The following PGLYRP3 variants were observed in gnomAD, a reference collection of about 807,000 sequenced individuals.
PGLYRP3 encodes the protein peptidoglycan recognition protein 3, also known as peptidoglycan recognition protein I alpha.
PGLYRP3 carries 39 observed loss-of-function variants against 36.0 expected under a neutral mutation model. The observed-to-expected ratio is 1.08, with a 90% confidence interval of 0.84 to 1.41. The LOEUF (loss-of-function observed/expected upper bound fraction) is 1.41. Among genes scored for constraint, PGLYRP3 ranks in the 40% most tolerant of loss-of-function variants. The probability of loss-of-function intolerance (pLI) is 0.00; values close to 1 mark genes in which losing one functional copy is unlikely to be tolerated. For synonymous variants in PGLYRP3, 204 were observed against 172.8 expected (o/e 1.18, Z -1.42); for missense variants, 407 against 427.9 (o/e 0.95, Z 0.43).
rs141117066 is a variant in PGLYRP3, at chr1:153,307,754, G to C, written c.56-487C>G. Among the ~76,000 whole-genome samples, 739 of 152,180 alleles carry C rather than the reference G, an allele frequency of 4.9e-3. 7 individuals carry two copies. Among genetic ancestry groups the C allele is most frequent in the African/African-American group, 0.017 (714 of 41,522 alleles). On this transcript the variant is annotated intron_variant, in intron 2 of 7. Transcript: ENST00000683862. ...AAGCTCTATCAGTCTCCTCAACTAG[G>C]GACTCCAGAGCCCACAGGAGGCTCC...
chr1:153,298,239 C>T lies in PGLYRP3; in HGVS notation c.848-105G>A, dbSNP rs571006842. On this transcript the variant is annotated intron_variant, in intron 7 of 7. Transcript: ENST00000683862. ...GTTTCTTTCTTCCTCCACCACGCCC[C>T]ATTCCGCCATCACCATAGCCAACAC... 4.7e-5 allele frequency: 59 copies of T among 1,252,830 alleles called. No homozygotes were observed. The African/African-American group carries it at 8.2e-4, about 17-fold the overall frequency. The allele number at this position is 1,252,830 out of a possible 1,614,324, so 77.6% of individuals were successfully genotyped here.
intron 3 of PGLYRP3, among the ~76,000 whole-genome samples, chr1:153,305,600 C>T (rs996722987): frequency 6.6e-6 from 1 of 152,136 alleles, no homozygotes; most frequent in African/African-American, 2.4e-5. Context: ...TTTATTCCTG[C>T]CTCTTTATAA....
intron 6 of PGLYRP3, 116 bp from the exon 7 acceptor site, chr1:153,299,347 A>G: frequency 1.2e-6 from 1 of 804,230 alleles, no homozygotes; most frequent in Non-Finnish European, 2.0e-6. Flanking sequence ...TATTGACTGG[A>G]GATCTCTTAT....
In PGLYRP3 at chr1:153,298,169, G is replaced by A. The variant is rs752804603; in HGVS notation, c.848-35C>T. 2.0e-5 allele frequency: 32 copies of A among 1,601,124 alleles called. No homozygotes were observed. In the South Asian group the frequency reaches 3.3e-4, roughly 17 times the overall value. ...ACATTTTCCCCATCAGTCATTAGGG[G>A]CTCAAAGTTTCTTGATTAGGGAAGG... On this transcript the variant is annotated intron_variant, in intron 7 of 7. Coordinates refer to ENST00000683862, the MANE Select transcript of PGLYRP3 (RefSeq NM_052891.3).
In PGLYRP3 at chr1:153,298,079, G is replaced by C. The variant is rs544597913; in HGVS notation, c.903C>G (p.Ala301=). The C allele has an allele frequency of 2.5e-6, 4 of 1,613,984 alleles. No homozygotes were observed. The highest frequency in any genetic ancestry group is 3.4e-6 in the Non-Finnish European group (4 of 1,180,004). ...LEAAQDLIQC[A]VVEGYLTPNY... is the part of the protein sequence containing the mutation. ...TTGGAGTCAGGTACCCCTCAACCAC[G>C]GCACACTGGATCAGGTCCTGGGCCG... Residue 301 remains alanine (A), a synonymous_variant, in exon 8 of 8, where the codon GCC becomes GCG. Coordinates refer to ENST00000683862, the MANE Select transcript of PGLYRP3 (RefSeq NM_052891.3).
Position 153,312,763 on chromosome 1 carries a change from G to A in PGLYRP3, c.-162C>T, listed in dbSNP as rs994515770. ...AGGACCTGCCCTTCTTCTCCAGCTG[G>A]TGCCTCCTCAGGCCTTCACTCCCCC... On this transcript the variant is annotated 5_prime_UTR_variant, in exon 1 of 8. Coordinates refer to ENST00000683862, the MANE Select transcript of PGLYRP3 (RefSeq NM_052891.3). Among the ~76,000 whole-genome samples the A allele has an allele frequency of 6.6e-6, 1 of 152,120 alleles. No individual in the cohort carries two copies. The highest frequency in any genetic ancestry group is 1.9e-4 in the East Asian group (1 of 5,172).
intron 2 of PGLYRP3, among the ~76,000 whole-genome samples, chr1:153,310,306 C>T (rs1383722638): frequency 6.6e-5 from 10 of 152,190 alleles, no homozygotes; most frequent in Non-Finnish European, 1.2e-4. Flanking sequence ...GGGCATTGTG[C>T]TAAATGGCGC....
In PGLYRP3 at chr1:153,310,632, T is replaced by C; in HGVS notation, c.34A>G (p.Ile12Val). Residue 12 changes from isoleucine (I) to valine (V), a missense_variant, in exon 2 of 8, where the codon ATT (isoleucine) becomes GTT (valine). Transcript: ENST00000683862. ...GTLPWLLAFF[I>V]LGLQAWDTPT... Reference sequence around the variant, plus strand: ...TTACCCCAAGCCTGGAGACCCAGAATGAAGAAGGCAAGAAGCCATGGCAGC... The same window carrying C: ...TTACCCCAAGCCTGGAGACCCAGAACGAAGAAGGCAAGAAGCCATGGCAGC... The C allele has an allele frequency of 6.2e-7, 1 of 1,614,130 alleles. No individual in the cohort carries two copies. The highest frequency in any genetic ancestry group is 1.1e-5 in the South Asian group (1 of 91,090).
chr1:153,310,091 A>G (rs1225438289), intron 2 of PGLYRP3, among the ~76,000 whole-genome samples: 1 of 152,246 alleles, frequency 6.6e-6, no homozygotes, highest in African/African-American at 2.4e-5. Flanking sequence ...AACAGCATTT[A>G]TTTAATGAAC....
At chr1:153,298,600 G>A (rs182540622) in intron 7 of PGLYRP3, among the ~76,000 whole-genome samples, 5 of 152,178 alleles carry the variant, frequency 3.3e-5, no homozygotes, top group Admixed American at 1.3e-4. Context: ...CCGACATCAC[G>A]CCGCTGCACT....
intron 1 of PGLYRP3, among the ~76,000 whole-genome samples, chr1:153,311,845 G>A (rs112502298): frequency 7.2e-5 from 11 of 152,344 alleles, no homozygotes; most frequent in African/African-American, 2.2e-4. Context: ...GTCAGGACAA[G>A]CAACCACTTA....
At chr1:153,299,008 T>C in intron 7 of PGLYRP3, 105 bp downstream of exon 7, 1 of 876,250 alleles carries the variant, frequency 1.1e-6, no homozygotes, top group Non-Finnish European at 1.9e-6. Flanking sequence ...AATGTTCCAT[T>C]CACACTGCCA....
intron 6 of PGLYRP3, 59 bp downstream of exon 6, chr1:153,302,350 G>T: frequency 6.4e-7 from 1 of 1,568,084 alleles, no homozygotes. Flanking sequence ...CCCTCCCACA[G>T]CCTTCCTTCC....
chr1:153,297,729 A>T lies in PGLYRP3; in HGVS notation c.*227T>A. 1 of 458,490 alleles carries T rather than the reference A, an allele frequency of 2.2e-6. No homozygotes were observed. The highest frequency in any genetic ancestry group is 3.8e-5 in the South Asian group (1 of 26,290). The allele number at this position is 458,490 out of a possible 1,614,324, so 28.4% of individuals were successfully genotyped here. ...GTAAGTGCCCAGGGGAGAGGTAGGT[A>T]AAAGAGAGGGGAAGTCTAAACTCAG... On this transcript the variant is annotated 3_prime_UTR_variant, in exon 8 of 8. Coordinates refer to ENST00000683862, the MANE Select transcript of PGLYRP3 (RefSeq NM_052891.3).
chr1:153,297,398 G>A lies in PGLYRP3; in HGVS notation c.*558C>T, dbSNP rs1179212122. Among the ~76,000 whole-genome samples the A allele has an allele frequency of 6.7e-6, 1 of 149,938 alleles. No homozygotes were observed. Among genetic ancestry groups the A allele is most frequent in the Non-Finnish European group, 1.5e-5 (1 of 67,684 alleles). On this transcript the variant is annotated 3_prime_UTR_variant, in exon 8 of 8. Transcript: ENST00000683862. ...GTCATGGGTGAGGGATGAAGGGTGG[G>A]GGCTTCCAGGCAGAAAACAGGGAAG...
intron 6 of PGLYRP3, among the ~76,000 whole-genome samples, 180 bp downstream of exon 6, chr1:153,302,229 A>G (rs1198606682): frequency 6.6e-6 from 1 of 152,222 alleles, no homozygotes; most frequent in Non-Finnish European, 1.5e-5. Flanking sequence ...AAGCGAGGTA[A>G]CTGACCATTA....
chr1:153,298,067 C>G lies in PGLYRP3; in HGVS notation c.915G>C (p.Gly305=), dbSNP rs766584893. 6.2e-7 allele frequency: 1 copy of G among 1,613,914 alleles called. No individual in the cohort carries two copies. Among genetic ancestry groups the G allele is most frequent in the Non-Finnish European group, 8.5e-7 (1 of 1,180,026 alleles). ...TCAGCAGGTAGTTTGGAGTCAGGTA[C>G]CCCTCAACCACGGCACACTGGATCA... The part of the protein sequence containing the change: ...QDLIQCAVVE[G]YLTPNYLLMG... The change falls in exon 8 of 8, where the codon GGG becomes GGC. Residue 305 remains glycine (G), a synonymous_variant. Transcript: ENST00000683862.
rs771903833 is a variant in PGLYRP3 at position 153,307,266 on chromosome 1, A to T, written c.57T>A (p.Asp19Glu). Residue 19 changes from aspartate to glutamate, a missense_variant and splice_region_variant, in exon 3 of 8, where the codon GAT (aspartate) becomes GAA (glutamate). Transcript: ENST00000683862. ...AFFILGLQAW[D>E]TPTIVSRKEW... is the part of the protein sequence containing the mutation. ...CCTTGCGGGAGACGATGGTGGGAGT[A>T]TCTGTAGGGAAGACCACAGAATGGC... The T allele has an allele frequency of 2.5e-6, 4 of 1,594,270 alleles. No homozygotes were observed. Among genetic ancestry groups the T allele is most frequent in the Non-Finnish European group, 3.4e-6 (4 of 1,170,776 alleles).
chr1:153,308,773 A>G (rs1363340242), intron 2 of PGLYRP3, among the ~76,000 whole-genome samples: 3 of 152,196 alleles, frequency 2.0e-5, no homozygotes, highest in Non-Finnish European at 4.4e-5. Context: ...GGAGAACCAC[A>G]GAAGTCTCTG....
Sources: gnomAD v4.1 joint callset for allele counts (sites outside exome capture counted in the v4.1 genomes callset) on GRCh38, gnomAD v4.1.1 for gene constraint, MANE v1.5 for transcripts, NCBI Gene and HGNC (gene_info 2026-07-23, HGNC 2026-07-21) for gene names.